Variants in EPDR1 observed in about 807,000 individuals in gnomAD.
EPDR1 encodes the protein mammalian ependymin-related protein 1.
Under a neutral mutation model 23.7 loss-of-function variants are expected in EPDR1, and 27 were observed. The observed-to-expected ratio is 1.14, with a 90% CI of 0.84 to 1.57. EPDR1 has a LOEUF of 1.57. EPDR1 is among the 40% of genes most tolerant of loss of function. The pLI, the probability that EPDR1 is intolerant of heterozygous loss-of-function variation, is 0.00. For synonymous variants in EPDR1, 137 were observed against 118.2 expected (o/e 1.16, Z -1.03); for missense variants, 349 against 290.4 (o/e 1.20, Z -1.47).
intron 1 of EPDR1, among the ~76,000 whole-genome samples, chr7:37,947,764 C>T (rs1168906009): frequency 6.6e-6 from 1 of 152,140 alleles, no homozygotes; most frequent in Non-Finnish European, 1.5e-5. Flanking sequence ...AGCAGGCTTC[C>T]CCCAACACCA....
At chr7:37,933,878 G>A (rs568969571) in intron 1 of EPDR1, among the ~76,000 whole-genome samples, 6 of 152,038 alleles carry the variant, frequency 3.9e-5, no homozygotes, top group East Asian at 3.9e-4. Flanking sequence ...AAGAATATTC[G>A]TTGTTTACTC....
intron 1 of EPDR1, among the ~76,000 whole-genome samples, chr7:37,938,029 C>T (rs376331940): frequency 2.3e-4 from 20 of 85,898 alleles, no homozygotes; most frequent in African/African-American, 5.3e-4. Context: ...CTTTCTCTGC[C>T]GCCCAGGCTA....
intron 1 of EPDR1, among the ~76,000 whole-genome samples, chr7:37,927,437 T>C (rs1037028129): frequency 2.6e-5 from 4 of 152,194 alleles, no homozygotes; most frequent in African/African-American, 7.2e-5. Context: ...TGGCTTACTA[T>C]TCAATTGCAG....
At chr7:37,921,774 G>A (rs1562855261) in intron 1 of EPDR1, among the ~76,000 whole-genome samples, 1 of 152,100 alleles carries the variant, frequency 6.6e-6, no homozygotes, top group African/African-American at 2.4e-5. Context: ...CTCCTTTTAA[G>A]TTTTTTGTTT....
intron 1 of EPDR1, among the ~76,000 whole-genome samples, chr7:37,945,515 T>A (rs914018287): frequency 1.3e-5 from 2 of 152,224 alleles, no homozygotes; most frequent in African/African-American, 4.8e-5. Context: ...TGCTTCATAA[T>A]GACGTTTCAG....
chr7:37,945,594 G>C (rs887419931), intron 1 of EPDR1, among the ~76,000 whole-genome samples: 2 of 152,224 alleles, frequency 1.3e-5, no homozygotes, highest in African/African-American at 4.8e-5. Flanking sequence ...TGACCTCATA[G>C]CCATAGTATG....
At chr7:37,945,635 G>GGGT (rs1441633192) in intron 1 of EPDR1, among the ~76,000 whole-genome samples, 1 of 152,172 alleles carries the variant, frequency 6.6e-6, no homozygotes, top group Admixed American at 6.5e-5. Context: ...CACATGTCTG[G>GGGT]GGTGGTGGTG....
At chr7:37,921,705 A>G (rs1321740057) in intron 1 of EPDR1, among the ~76,000 whole-genome samples, 1 of 152,242 alleles carries the variant, frequency 6.6e-6, no homozygotes, top group Non-Finnish European at 1.5e-5. Context: ...GGAAAGTGAT[A>G]AAAAGAAAAT....
intron 1 of EPDR1, among the ~76,000 whole-genome samples, chr7:37,936,037 T>A (rs13237497): frequency 5.4e-5 from 4 of 74,718 alleles, no homozygotes; most frequent in African/African-American, 9.2e-5. Flanking sequence ...TATATATATA[T>A]ATACACAAGG....
intron 1 of EPDR1, among the ~76,000 whole-genome samples, chr7:37,941,822 A>G (rs2132015277): frequency 6.6e-6 from 1 of 152,272 alleles, no homozygotes; most frequent in Admixed American, 6.5e-5. Context: ...CAGGGAATGA[A>G]TTTTTATTTC....
intron 1 of EPDR1, among the ~76,000 whole-genome samples, chr7:37,928,268 T>G (rs927286814): frequency 1.6e-4 from 25 of 152,232 alleles, no homozygotes; most frequent in African/African-American, 5.8e-4. Context: ...TGCCCAAAGA[T>G]CTGAAAATAT....
intron 1 of EPDR1, among the ~76,000 whole-genome samples, chr7:37,927,369 A>G (rs922766635): frequency 4.9e-5 from 7 of 143,972 alleles, no homozygotes; most frequent in Admixed American, 3.5e-4. Context: ...TACATGGTTC[A>G]TTCTAGTTTT....
intron 1 of EPDR1, among the ~76,000 whole-genome samples, chr7:37,939,945 A>G (rs1786137191): frequency 6.6e-6 from 1 of 152,228 alleles, no homozygotes; most frequent in Non-Finnish European, 1.5e-5. Context: ...TTCCACATCT[A>G]ATAATTTACC....
chr7:37,937,337 T>A (rs1195510983), intron 1 of EPDR1, among the ~76,000 whole-genome samples: 2 of 152,176 alleles, frequency 1.3e-5, no homozygotes, highest in Non-Finnish European at 2.9e-5. Flanking sequence ...AGTAGGAAGC[T>A]TTTTTTAAAT....
At chr7:37,942,451 G>T (rs556539432) in intron 1 of EPDR1, among the ~76,000 whole-genome samples, 2 of 152,250 alleles carry the variant, frequency 1.3e-5, no homozygotes, top group Admixed American at 6.5e-5. Context: ...GGAGGAATGG[G>T]TTATTATTGT....
At chr7:37,930,896 T>C (rs1785923534) in intron 1 of EPDR1, among the ~76,000 whole-genome samples, 1 of 152,238 alleles carries the variant, frequency 6.6e-6, no homozygotes, top group Non-Finnish European at 1.5e-5. Context: ...ATAGTGTGTG[T>C]GTTTGCATAA....
chr7:37,948,682 T>G (rs1786332275), intron 1 of EPDR1, among the ~76,000 whole-genome samples, 158 bp from the exon 2 acceptor site: 2 of 152,330 alleles, frequency 1.3e-5, no homozygotes, highest in Middle Eastern at 3.4e-3. Flanking sequence ...ATATGCAGGT[T>G]GTTTCATGTG....
At chr7:37,933,461 T>C (rs1269825095) in intron 1 of EPDR1, among the ~76,000 whole-genome samples, 1 of 152,240 alleles carries the variant, frequency 6.6e-6, no homozygotes, top group African/African-American at 2.4e-5. Flanking sequence ...GTTGATCCCG[T>C]ACTTAACTAC....
intron 1 of EPDR1, among the ~76,000 whole-genome samples, chr7:37,933,759 G>A (rs1785990024): frequency 6.6e-6 from 1 of 152,144 alleles, no homozygotes; most frequent in East Asian, 1.9e-4. Context: ...TAGAGATTTT[G>A]TAATGAATTG....
Sources: gnomAD v4.1 joint callset for allele counts (sites outside exome capture counted in the v4.1 genomes callset) on GRCh38, gnomAD v4.1.1 for gene constraint, MANE v1.5 for transcripts, NCBI Gene and HGNC (gene_info 2026-07-23, HGNC 2026-07-21) for gene names.